Variants in CNTN5 observed in about 807,000 individuals in gnomAD.
The protein encoded by CNTN5 is contactin-5.
CNTN5 carries 77 observed loss-of-function variants against 129.1 expected under a neutral mutation model. The ratio of observed to expected loss-of-function variants is 0.60; its 90% confidence interval spans 0.50 to 0.72. CNTN5 has a LOEUF of 0.72. CNTN5 is among the 30% of genes least tolerant of loss of function. CNTN5 has a pLI of 0.00. For synonymous variants in CNTN5, 509 were observed against 465.6 expected, an observed-to-expected ratio of 1.09 and a Z score of -1.20; for missense variants, 1,478 against 1,328.8, an observed-to-expected ratio of 1.11 and a Z score of -1.75.
At chr11:99,816,732 G>T (rs1211255848) in intron 3 of CNTN5, among the ~76,000 whole-genome samples, 1 of 152,098 alleles carries the variant, frequency 6.6e-6, no homozygotes, top group Non-Finnish European at 1.5e-5. Context: ...TTTCAAAGCT[G>T]TACCAGTTTA....
At chr11:99,581,889 G>A (rs557008383) in intron 3 of CNTN5, among the ~76,000 whole-genome samples, 43 of 152,224 alleles carry the variant, frequency 2.8e-4, no homozygotes, top group Admixed American at 8.5e-4. Context: ...TGGTTATTTT[G>A]CTCGTTAGTT....
chr11:100,306,397 AC>A (rs954248407), intron 20 of CNTN5, among the ~76,000 whole-genome samples: 2 of 151,664 alleles, frequency 1.3e-5, no homozygotes, highest in African/African-American at 4.8e-5. Flanking sequence ...CTACCCCACC[AC>A]ATGTTTTGTG....
chr11:99,053,846 A>G lies in CNTN5; in HGVS notation c.-210+32576A>G, dbSNP rs925552111. Among the ~76,000 whole-genome samples, 3 of 151,968 alleles carry G rather than the reference A, an allele frequency of 2.0e-5. No homozygotes were observed. The Admixed American group carries it at 2.0e-4, about 10-fold the overall frequency. On this transcript the variant is annotated intron_variant, in intron 1 of 24. Transcript: ENST00000524871. ...ATTTTTTTATTTGCCTTATCCAAGG[A>G]ATATTTTAAGAAAGTAATTTTGGAT... is the stretch of plus-strand genomic sequence containing the variant.
intron 13 of CNTN5, among the ~76,000 whole-genome samples, chr11:100,182,435 C>A (rs1326115197): frequency 6.6e-6 from 1 of 151,982 alleles, no homozygotes; most frequent in Non-Finnish European, 1.5e-5. Flanking sequence ...CTTATAAGGG[C>A]ACTAATCTTT....
At chr11:99,161,339 C>G (rs1381317689) in intron 1 of CNTN5, among the ~76,000 whole-genome samples, 1 of 152,018 alleles carries the variant, frequency 6.6e-6, no homozygotes. Flanking sequence ...TCCTTAATAA[C>G]AGAATCTTAT....
chr11:99,980,272 G>A (rs1938249571), intron 8 of CNTN5, among the ~76,000 whole-genome samples: 1 of 152,132 alleles, frequency 6.6e-6, no homozygotes, highest in African/African-American at 2.4e-5. Context: ...GAAGCAACAA[G>A]ACTTCATAGA....
intron 1 of CNTN5, among the ~76,000 whole-genome samples, chr11:99,316,105 C>T (rs1275886317): frequency 5.9e-5 from 9 of 151,804 alleles, no homozygotes; most frequent in South Asian, 4.2e-4. Context: ...TGATTATGAA[C>T]GCGGGTAGCA....
chr11:99,796,268 G>T (rs1945935319), intron 3 of CNTN5, among the ~76,000 whole-genome samples: 1 of 152,136 alleles, frequency 6.6e-6, no homozygotes, highest in African/African-American at 2.4e-5. Context: ...AGCAATGGTG[G>T]CACAGTCAGG....
intron 1 of CNTN5, among the ~76,000 whole-genome samples, chr11:99,089,566 T>C (rs1866152388): frequency 6.6e-6 from 1 of 152,194 alleles, no homozygotes; most frequent in Non-Finnish European, 1.5e-5. Context: ...GATTTTGTGC[T>C]TTTAGCCACT....
At chr11:99,812,208 G>C (rs1006995396) in intron 3 of CNTN5, among the ~76,000 whole-genome samples, 1 of 152,058 alleles carries the variant, frequency 6.6e-6, no homozygotes, top group Non-Finnish European at 1.5e-5. Context: ...TAGATATATA[G>C]AGTCTATTCA....
At chr11:99,640,154 C>T (rs2135838255) in intron 3 of CNTN5, among the ~76,000 whole-genome samples, 1 of 152,282 alleles carries the variant, frequency 6.6e-6, no homozygotes, top group South Asian at 2.1e-4. Flanking sequence ...ATTTTCCTGT[C>T]TTCTGAGCCC....
At chr11:99,473,342 G>A (rs2135282707) in intron 2 of CNTN5, among the ~76,000 whole-genome samples, 1 of 152,088 alleles carries the variant, frequency 6.6e-6, no homozygotes, top group East Asian at 1.9e-4. Flanking sequence ...CTAAACACAA[G>A]TAAAACATAT....
chr11:100,318,098 G>T (rs1023423362), intron 21 of CNTN5, among the ~76,000 whole-genome samples: 1 of 151,810 alleles, frequency 6.6e-6, no homozygotes, highest in Non-Finnish European at 1.5e-5. Flanking sequence ...AAAATTAGCC[G>T]GGCGCGGTGG....
chr11:99,650,825 G>T (rs1952127745), intron 3 of CNTN5, among the ~76,000 whole-genome samples: 1 of 151,830 alleles, frequency 6.6e-6, no homozygotes, highest in African/African-American at 2.4e-5. Flanking sequence ...GTGATGCTTT[G>T]ATACATAAGC....
intron 3 of CNTN5, among the ~76,000 whole-genome samples, chr11:99,652,831 A>G (rs1415647785): frequency 6.6e-6 from 1 of 152,064 alleles, no homozygotes; most frequent in Non-Finnish European, 1.5e-5. Context: ...GCAGCAAAGT[A>G]GTACCTTTCT....
In CNTN5 at chr11:99,323,971, T is replaced by C. The variant is rs367925461; in HGVS notation, c.-209-1375T>C. 6.6e-5 allele frequency among the ~76,000 whole-genome samples: 10 copies of C among 152,254 alleles called. No homozygotes were observed. In the East Asian group the frequency reaches 1.5e-3, roughly 24 times the overall value. ...AGCAAGGAAGACAAAAAGGAATCTA[T>C]AGTTCCTTCTGTTCACAATTTGTAT... On this transcript the variant is annotated intron_variant, in intron 1 of 24. Transcript: ENST00000524871.
At chr11:99,915,463 TGA>T (rs939116256) in intron 6 of CNTN5, among the ~76,000 whole-genome samples, 14 of 152,116 alleles carry the variant, frequency 9.2e-5, no homozygotes, top group African/African-American at 3.4e-4. Flanking sequence ...TCAAAATGGA[TGA>T]GAGTAGTTAA....
intron 2 of CNTN5, among the ~76,000 whole-genome samples, chr11:99,413,448 G>A (rs557196966): frequency 6.6e-6 from 1 of 151,978 alleles, no homozygotes; most frequent in Non-Finnish European, 1.5e-5. Context: ...GTGAAACACT[G>A]TCTCTACTAA....
chr11:100,266,980 T>G (rs1217823365), intron 17 of CNTN5, among the ~76,000 whole-genome samples: 2 of 152,082 alleles, frequency 1.3e-5, no homozygotes, highest in Non-Finnish European at 2.9e-5. Flanking sequence ...GACTGTATTC[T>G]TACAGGTGAA....
Sources: gnomAD v4.1 joint callset for allele counts (sites outside exome capture counted in the v4.1 genomes callset) on GRCh38, gnomAD v4.1.1 for gene constraint, MANE v1.5 for transcripts, NCBI Gene and HGNC (gene_info 2026-07-23, HGNC 2026-07-21) for gene names.